KCP: variants seen among roughly 807,000 people sequenced by gnomAD.
KCP encodes the protein kielin/chordin-like protein.
KCP carries 194 observed loss-of-function variants against 212.7 expected under a neutral mutation model. The ratio of observed to expected loss-of-function variants is 0.91; its 90% confidence interval spans 0.81 to 1.03. The LOEUF (loss-of-function observed/expected upper bound fraction) is 1.03, where lower values mean the gene tolerates loss of function less well. KCP is among the 50% of genes least tolerant of loss of function. The pLI is 0.00. For missense variants in KCP, 2,080 were observed against 2,162.5 expected (o/e 0.96, Z 0.76); for synonymous variants, 833 against 865.3 (o/e 0.96, Z 0.65).
intron 34 of KCP, 86 bp downstream of exon 34, chr7:128,880,300 C>T (rs1393368254): frequency 3.4e-5 from 49 of 1,435,290 alleles, no homozygotes; most frequent in Non-Finnish European, 2.0e-5. Context: ...GCCCAGCCTC[C>T]CTCTCTGATG....
intron 4 of KCP, among the ~76,000 whole-genome samples, 178 bp downstream of exon 4, chr7:128,906,923 G>C (rs1434499062): frequency 6.6e-6 from 1 of 152,162 alleles, no homozygotes; most frequent in Admixed American, 6.5e-5. Flanking sequence ...GGACCCCCCA[G>C]TGTCCGTGGG....
At chr7:128,896,616 C>A (rs186923430) in intron 8 of KCP, among the ~76,000 whole-genome samples, 227 of 152,048 alleles carry the variant, frequency 1.5e-3, no homozygotes, top group African/African-American at 5.4e-3. Flanking sequence ...CATGGCCGGT[C>A]GCGGTGGCTC....
chr7:128,909,743 G>A (rs570345092), intron 1 of KCP, among the ~76,000 whole-genome samples: 3 of 152,230 alleles, frequency 2.0e-5, no homozygotes, highest in Admixed American at 6.5e-5. Context: ...CACAAGCACC[G>A]CCCACCTTTC....
At chr7:128,890,003 A>G (rs1006564901) in intron 21 of KCP, 7 of 271,970 alleles carry the variant, frequency 2.6e-5, no homozygotes, top group African/African-American at 1.7e-4. Flanking sequence ...AACACGGTTC[A>G]CTGTAGCCTC....
chr7:128,884,904 T>C, intron 27 of KCP, 41 bp from the exon 28 acceptor site: 1 of 1,539,108 alleles, frequency 6.5e-7, no homozygotes, highest in Non-Finnish European at 8.8e-7. Context: ...CAGGGGTCCT[T>C]CAGGCTGGCA....
At chr7:128,905,507 C>T (rs1795080535) in intron 5 of KCP, among the ~76,000 whole-genome samples, 1 of 152,170 alleles carries the variant, frequency 6.6e-6, no homozygotes, top group Non-Finnish European at 1.5e-5. Flanking sequence ...GTCACCGGCT[C>T]CTGCCCGTCC....
rs928866225 is a variant in KCP at position 128,893,581 on chromosome 7, C to T, written c.1100-105G>A. Reference sequence around the variant, plus strand: ...CCCACCCTGACAAAGAAGACCCAGCCGAGTTCTCCAGGGCGCCCTGCCAGC... The same window carrying T: ...CCCACCCTGACAAAGAAGACCCAGCTGAGTTCTCCAGGGCGCCCTGCCAGC... On this transcript the variant is annotated intron_variant, in intron 11 of 39. Transcript: ENST00000610776. 14 of 1,047,844 alleles carry T rather than the reference C, an allele frequency of 1.3e-5. No individual in the cohort carries two copies. In the Admixed American group the frequency reaches 1.5e-4, roughly 11 times the overall value. 64.9% of individuals were successfully genotyped at this position (1,047,844 alleles called of 1,614,324 possible).
chr7:128,890,994 A>G lies in KCP; in HGVS notation c.2075T>C (p.Leu692Pro), dbSNP rs925537506. The change falls in exon 20 of 40, where the codon CTC becomes CCC. Residue 692 changes from leucine to proline, a missense_variant. Coordinates refer to ENST00000610776, the MANE Select transcript of KCP (RefSeq NM_001366122.1). The stretch of plus-strand genomic sequence containing the variant: ...CCGCTGGCAGGACACGGAGCCGTCG[A>G]GGCAGAGGCAGCGGCGGCAGGGATC... ...PGDPCRRCLC[L>P]DGSVSCQRLP... is the part of the protein sequence containing the mutation. 2.7e-4 allele frequency: 364 copies of G among 1,337,166 alleles called. No homozygotes were observed. The highest frequency in any genetic ancestry group is 2.8e-4 in the Admixed American group (7 of 24,746). 82.8% of individuals were successfully genotyped at this position (1,337,166 alleles called of 1,614,324 possible). A position where few individuals can be genotyped will look rare whatever the true frequency, so the allele number is the denominator to read the frequency against.
chr7:128,884,502 G>A (rs941327671), intron 28 of KCP, among the ~76,000 whole-genome samples: 5 of 152,090 alleles, frequency 3.3e-5, no homozygotes, highest in Non-Finnish European at 5.9e-5. Flanking sequence ...CCCTAGCCAC[G>A]TCCCAGGTGG....
chr7:128,894,497 T>C (rs1794399885), intron 8 of KCP, among the ~76,000 whole-genome samples: 1 of 152,164 alleles, frequency 6.6e-6, no homozygotes, highest in Non-Finnish European at 1.5e-5. Flanking sequence ...GCAGATGTAA[T>C]TAGTTAAGAT....
At chr7:128,886,270 T>C (rs1270753119) in intron 26 of KCP, among the ~76,000 whole-genome samples, 194 bp downstream of exon 26, 1 of 151,724 alleles carries the variant, frequency 6.6e-6, no homozygotes, top group South Asian at 2.1e-4. Context: ...AACCAGCACC[T>C]GGAAGAGGGA....
intron 26 of KCP, 53 bp from the exon 27 acceptor site, chr7:128,885,323 G>A (rs1554407882): frequency 6.7e-7 from 1 of 1,490,644 alleles, no homozygotes; most frequent in Non-Finnish European, 9.0e-7. Flanking sequence ...CTGGACATCT[G>A]CTCCTGGCCC....
chr7:128,905,370 T>C (rs1036408660), intron 5 of KCP, among the ~76,000 whole-genome samples: 1 of 152,144 alleles, frequency 6.6e-6, no homozygotes, highest in Non-Finnish European at 1.5e-5. Flanking sequence ...ACTATCACCT[T>C]ATGAGCCAGT....
intron 39 of KCP, 84 bp downstream of exon 39, chr7:128,877,400 C>A: frequency 6.5e-7 from 1 of 1,527,562 alleles, no homozygotes; most frequent in Non-Finnish European, 8.8e-7. Context: ...CCATACCCGG[C>A]CTGGTCCTGC....
At chr7:128,890,636 G>A (rs1794044766) in intron 20 of KCP, 123 bp from the exon 21 acceptor site, 1 of 764,278 alleles carries the variant, frequency 1.3e-6, no homozygotes, top group Non-Finnish European at 2.0e-6. Flanking sequence ...GGAGGTCGTG[G>A]GGGCTGGGGG....
intron 8 of KCP, among the ~76,000 whole-genome samples, chr7:128,899,862 T>TTAAGGGATCATG (rs1794740777): frequency 6.6e-6 from 1 of 152,180 alleles, no homozygotes; most frequent in African/African-American, 2.4e-5. Flanking sequence ...TCATGATTCC[T>TTAAGGGATCATG]TAAGGAATCA....
At chr7:128,894,118 A>G in intron 9 of KCP, 63 bp from the exon 10 acceptor site, 1 of 1,520,394 alleles carries the variant, frequency 6.6e-7, no homozygotes, top group South Asian at 1.2e-5. Context: ...CCTGGCCTTC[A>G]TGGGCCCCCG....
Position 128,884,837 on chromosome 7 carries a change from C to G in KCP, c.3067G>C (p.Glu1023Gln), listed in dbSNP as rs369611779. ...CCAGGCTGGAAGCTCTCCCCAGGCT[C>G]GTACTTCCGGCCCTCATGCTCACAG... ...SDCEHEGRKY[E>Q]PGESFQPGAD... is the part of the protein sequence containing the mutation. Residue 1023 changes from glutamate (E) to glutamine (Q), a missense_variant, in exon 28 of 40, where the codon GAG becomes CAG. Coordinates refer to ENST00000610776, the MANE Select transcript of KCP (RefSeq NM_001366122.1). 1 of 1,550,998 alleles carries G rather than the reference C, an allele frequency of 6.4e-7. No homozygotes were observed. The highest frequency in any genetic ancestry group is 1.4e-5 in the African/African-American group (1 of 73,152).
intron 16 of KCP, among the ~76,000 whole-genome samples, 152 bp downstream of exon 16, chr7:128,892,362 C>G (rs1201371134): frequency 6.6e-6 from 1 of 152,138 alleles, no homozygotes. Context: ...CCCACCCACA[C>G]CCCGTGAGTT....
Sources: gnomAD v4.1 joint callset for allele counts (sites outside exome capture counted in the v4.1 genomes callset) on GRCh38, gnomAD v4.1.1 for gene constraint, MANE v1.5 for transcripts, NCBI Gene and HGNC (gene_info 2026-07-23, HGNC 2026-07-21) for gene names.